EIF4G2: variants seen among roughly 807,000 people sequenced by gnomAD.
The protein encoded by EIF4G2 is DAP-5.
EIF4G2 carries 8 observed loss-of-function variants against 117.7 expected under a neutral mutation model. The ratio of observed to expected loss-of-function variants is 0.07; its 90% CI spans 0.04 to 0.12. The LOEUF (loss-of-function observed/expected upper bound fraction) is 0.12, where lower values mean the gene tolerates loss of function less well. Ranked by LOEUF, EIF4G2 falls within the 10% of genes least tolerant of loss-of-function variation. The pLI, the probability that EIF4G2 is intolerant of heterozygous loss-of-function variation, is 1.00. For synonymous variants in EIF4G2, 413 were observed against 367.8 expected (o/e 1.12, Z -1.41); for missense variants, 812 against 1,086.2 (o/e 0.75, Z 3.55).
intron 4 of EIF4G2, 127 bp downstream of exon 4, chr11:10,805,780 C>T: frequency 7.2e-7 from 1 of 1,380,890 alleles, no homozygotes; most frequent in Non-Finnish European, 1.0e-6. Flanking sequence ...AAAATTGCTA[C>T]CATGAGGATT....
rs1847372114 is a variant in EIF4G2 at position 10,800,023 on chromosome 11, T to G, written c.2119+67A>C. The G allele has an allele frequency of 1.9e-6, 3 of 1,546,708 alleles. No individual in the cohort carries two copies. In the South Asian group the frequency reaches 3.7e-5, roughly 19 times the overall value. On this transcript the variant is annotated intron_variant, in intron 18 of 21. Transcript: ENST00000339995. The stretch of plus-strand genomic sequence containing the variant: ...GACTGTCTGACCTACATAAATCCAC[T>G]CAAGGTACCTGAAATCTCTAGATAT...
Position 10,802,318 on chromosome 11 carries a change from C to T in EIF4G2, c.1114G>A (p.Ala372Thr), listed in dbSNP as rs1847445611. The change falls in exon 12 of 22, where the codon GCT becomes ACT. Residue 372 changes from alanine (A) to threonine (T), a missense_variant. Coordinates refer to ENST00000339995, the MANE Select transcript of EIF4G2 (RefSeq NM_001418.4). ...CCTGGCATTTGTCCAAACATATCAG[C>T]AAGTCCTCCAAGTGGGTCCCTATCC... 1 of 1,613,382 alleles carries T rather than the reference C, an allele frequency of 6.2e-7. No homozygotes were observed. Among genetic ancestry groups the T allele is most frequent in the Non-Finnish European group, 8.5e-7 (1 of 1,179,750 alleles).
At position 10,807,333 on chromosome 11, in the gene EIF4G2, ATAT is replaced by A. The variant is rs775027238; in HGVS notation, c.-41_-39del. 6 of 1,609,900 alleles carry A rather than the reference ATAT, an allele frequency of 3.7e-6. No homozygotes were observed. The African/African-American group carries it at 6.7e-5, about 18-fold the overall frequency. On this transcript the variant is annotated 5_prime_UTR_variant, in exon 2 of 22. Transcript: ENST00000339995. ...ACAACGAAGAATCTTCAAAAGAATA[ATAT>A]TAATAGATGGGGTGGGGAGGGGAGG... is the stretch of plus-strand genomic sequence containing the variant.
Position 10,800,502 on chromosome 11 carries a change from T to C in EIF4G2, c.1790A>G (p.Lys597Arg), listed in dbSNP as rs1055646538. 1.2e-6 allele frequency: 2 copies of C among 1,614,192 alleles called. No individual in the cohort carries two copies. ...ACTGATCAAAGAACTTGCTTTTTCT[T>C]TATCTTCATCGCTTCTATCTAGTGA... Residue 597 changes from lysine (K) to arginine (R), a missense_variant, in exon 17 of 22, where the codon AAA becomes AGA. Lys to Arg is a conservative substitution (Grantham distance 26, BLOSUM62 2). Coordinates refer to ENST00000339995, the MANE Select transcript of EIF4G2 (RefSeq NM_001418.4).
At position 10,797,682 on chromosome 11, in the gene EIF4G2, T is replaced by TC; in HGVS notation, c.*133dup. ...CAAAAAAACCTTATGCAGAAGGAAA[T>TC]CCTAACTGACGTGCTTCTGCTTTAA... On this transcript the variant is annotated 3_prime_UTR_variant, in exon 22 of 22. Coordinates refer to ENST00000339995, the MANE Select transcript of EIF4G2 (RefSeq NM_001418.4). This position sits in a 1 kb window ranked among gnomAD's most constrained non-coding sequence, Gnocchi z 4.5. The TC allele has an allele frequency of 2.2e-6, 2 of 924,304 alleles. No individual in the cohort carries two copies. Among genetic ancestry groups the TC allele is most frequent in the South Asian group, 3.1e-5 (2 of 64,242 alleles). The allele number at this position is 924,304 out of a possible 1,614,324, so 57.3% of individuals were successfully genotyped here. A position where few individuals can be genotyped will look rare whatever the true frequency, so the allele number is the denominator to read the frequency against.
chr11:10,805,950 T>TTGCGGAGTTGTTTGC lies in EIF4G2; in HGVS notation c.190_204dup (p.Ala64_Ala68dup), dbSNP rs762064391. 4 of 1,614,220 alleles carry TTGCGGAGTTGTTTGC rather than the reference T, an allele frequency of 2.5e-6. No individual in the cohort carries two copies. The highest frequency in any genetic ancestry group is 2.2e-5 in the South Asian group (2 of 91,080). On this transcript the variant is annotated inframe_insertion, in exon 4 of 22. Transcript: ENST00000339995. ...ATTGCATCATGTCGTTCTTTTTCGT[T>TTGCGGAGTTGTTTGC]TGCGGAGTTGTTTGCTGCGGAGTTG...
Position 10,808,640 on chromosome 11 carries a change from G to A in EIF4G2, c.-87+65C>T, listed in dbSNP as rs552421237. ...GCCGCCATTTTGTACCACTCGAGAA[G>A]AAGCGACCAGGGACGGCGGCCATTT... On this transcript the variant is annotated intron_variant, in intron 1 of 21. Transcript: ENST00000339995. 32 of 386,062 alleles carry A rather than the reference G, an allele frequency of 8.3e-5. No homozygotes were observed. The East Asian group carries it at 2.5e-3, about 30-fold the overall frequency. The allele number at this position is 386,062 out of a possible 1,614,324, so 23.9% of individuals were successfully genotyped here.
rs183550733 is a variant in EIF4G2 at position 10,806,083 on chromosome 11, A to G, written c.108-36T>C. ...AAAATCAGCAAAAACACTTATTGTCACACACCAAATGTTAAACATCATAAA... is the reference window on the plus strand; with the variant it reads ...AAAATCAGCAAAAACACTTATTGTCGCACACCAAATGTTAAACATCATAAA... On this transcript the variant is annotated intron_variant, in intron 3 of 21. Transcript: ENST00000339995. The G allele has an allele frequency of 1.9e-6, 3 of 1,613,192 alleles. No individual in the cohort carries two copies. In the Admixed American group the frequency reaches 5.0e-5, roughly 27 times the overall value.
Position 10,800,835 on chromosome 11 carries a change from T to C in EIF4G2, c.1540A>G (p.Thr514Ala). 2 of 1,613,830 alleles carry C rather than the reference T, an allele frequency of 1.2e-6. No homozygotes were observed. The highest frequency in any genetic ancestry group is 1.1e-5 in the South Asian group (1 of 91,002). ...TTAGTTTTGAGACCAAGCTGAGGTG[T>C]CTAAAAAACAAGCAATGACAGACTT... is the stretch of plus-strand genomic sequence containing the variant. Residue 514 changes from threonine (T) to alanine (A), a missense_variant and splice_region_variant, in exon 16 of 22, where the codon ACA becomes GCA. This residue lies in a region of EIF4G2 where 571 missense variants were observed against 642.3 expected (regional missense o/e 0.89). Coordinates refer to ENST00000339995, the MANE Select transcript of EIF4G2 (RefSeq NM_001418.4).
chr11:10,803,752 A>G lies in EIF4G2; in HGVS notation c.702+147T>C, dbSNP rs1331668108. 1 of 1,216,004 alleles carries G rather than the reference A, an allele frequency of 8.2e-7. No individual in the cohort carries two copies. Among genetic ancestry groups the G allele is most frequent in the Non-Finnish European group, 1.2e-6 (1 of 867,732 alleles). 75.3% of individuals were successfully genotyped at this position (1,216,004 alleles called of 1,614,324 possible). On this transcript the variant is annotated intron_variant, in intron 8 of 21. Coordinates refer to ENST00000339995, the MANE Select transcript of EIF4G2 (RefSeq NM_001418.4). The surrounding 1 kb of genome is among the most constrained non-coding windows in gnomAD (Gnocchi z 4.0). ...TGATCAGTTCTAACTCTACTTTGTC[A>G]AACACACCACGTATTTCAAATTATT...
intron 1 of EIF4G2, chr11:10,808,350 C>T: frequency 8.3e-7 from 1 of 1,205,168 alleles, no homozygotes; most frequent in Non-Finnish European, 1.0e-6. Context: ...GCCTTCCCTG[C>T]CGGCCCGCGT....
intron 13 of EIF4G2, 79 bp from the exon 14 acceptor site, chr11:10,801,853 C>A: frequency 7.2e-7 from 1 of 1,384,662 alleles, no homozygotes; most frequent in Non-Finnish European, 1.0e-6. Context: ...AAGGGATGAG[C>A]CAAGCCATAA....
At chr11:10,798,217 C>A (rs1018286504) in intron 21 of EIF4G2, among the ~76,000 whole-genome samples, 3 of 152,154 alleles carry the variant, frequency 2.0e-5, no homozygotes, top group African/African-American at 7.2e-5. Context: ...CACAGACCTA[C>A]TAAACCAGAA....
rs994293392 is a variant in EIF4G2, at chr11:10,806,977, A to G, written c.42-92T>C. 4.1e-6 allele frequency: 6 copies of G among 1,455,662 alleles called. No homozygotes were observed. In the South Asian group the frequency reaches 6.9e-5, roughly 17 times the overall value. 90.2% of individuals were successfully genotyped at this position (1,455,662 alleles called of 1,614,324 possible). A position where few individuals can be genotyped will look rare whatever the true frequency, so the allele number is the denominator to read the frequency against. Reference sequence around the variant, plus strand: ...ATTTTGTGTTTTGCTTTGCTTGTAGAGATGGGGGTCTCGCTATTTTGCCCA... The same window carrying G: ...ATTTTGTGTTTTGCTTTGCTTGTAGGGATGGGGGTCTCGCTATTTTGCCCA... On this transcript the variant is annotated intron_variant, in intron 2 of 21. Coordinates refer to ENST00000339995, the MANE Select transcript of EIF4G2 (RefSeq NM_001418.4).
At position 10,805,951 on chromosome 11, in the gene EIF4G2, T is replaced by C. The variant is rs776394326; in HGVS notation, c.204A>G (p.Ala68=). ...TTGCATCATGTCGTTCTTTTTCGTT[T>C]GCGGAGTTGTTTGCTGCGGAGTTGT... The change falls in exon 4 of 22, where the codon GCA becomes GCG. Residue 68 remains alanine, a synonymous_variant. Transcript: ENST00000339995. The C allele has an allele frequency of 6.2e-7, 1 of 1,614,184 alleles. No individual in the cohort carries two copies. The highest frequency in any genetic ancestry group is 8.5e-7 in the Non-Finnish European group (1 of 1,180,002).
chr11:10,808,227 C>T (rs1847649575), intron 1 of EIF4G2: 5 of 1,143,316 alleles, frequency 4.4e-6, no homozygotes, highest in South Asian at 1.7e-5. Flanking sequence ...ATCACTCTCT[C>T]TTTCCTCCCC....
chr11:10,801,210 T>C, intron 14 of EIF4G2, 123 bp from the exon 15 acceptor site: 1 of 1,386,672 alleles, frequency 7.2e-7, no homozygotes, highest in African/African-American at 1.5e-5. Flanking sequence ...TTTGAAAAAC[T>C]AAAGAAGGTA....
chr11:10,801,298 C>T (rs1847409255), intron 14 of EIF4G2: 3 of 640,804 alleles, frequency 4.7e-6, no homozygotes, highest in Non-Finnish European at 5.3e-6. Flanking sequence ...TATTATAAAT[C>T]TTACATTCTC....
rs1179661436 is a variant in EIF4G2 at position 10,806,047 on chromosome 11, G to A, written c.108C>T (p.Ser36=). Residue 36 remains serine, a splice_region_variant and synonymous_variant, in exon 4 of 22, where the codon AGC becomes AGT. Transcript: ENST00000339995. ...GCCCTGGGGTTTTCCCCAGGAACTC[G>A]CTGATTAATAAAAATCAGCAAAAAC... The A allele has an allele frequency of 6.2e-7, 1 of 1,614,048 alleles. No individual in the cohort carries two copies. Among genetic ancestry groups the A allele is most frequent in the Non-Finnish European group, 8.5e-7 (1 of 1,180,028 alleles).
Sources: gnomAD v4.1 joint callset for allele counts (sites outside exome capture counted in the v4.1 genomes callset) on GRCh38, gnomAD v4.1.1 for gene constraint, gnomAD v4.1.1 regional missense constraint, Gnocchi (gnomAD v3.1) non-coding constraint, MANE v1.5 for transcripts, NCBI Gene and HGNC (gene_info 2026-07-23, HGNC 2026-07-21) for gene names.